The following GHR variants were observed in gnomAD, a reference collection of about 807,000 sequenced individuals.
GHR encodes the protein growth hormone receptor, also known as GH receptor.
Under a neutral mutation model 67.1 loss-of-function variants are expected in GHR, and 35 were observed. The observed-to-expected ratio is 0.52, with a 90% CI of 0.40 to 0.69. The LOEUF (loss-of-function observed/expected upper bound fraction) is 0.69. GHR is among the 30% of genes least tolerant of loss of function. The pLI is 0.00. For synonymous variants in GHR, 272 were observed against 269.1 expected (o/e 1.01, Z -0.10); for missense variants, 792 against 764.6 (o/e 1.04, Z -0.42).
intron 4 of GHR, among the ~76,000 whole-genome samples, chr5:42,694,423 G>T (rs1276261200): frequency 6.6e-6 from 1 of 152,078 alleles, no homozygotes; most frequent in African/African-American, 2.4e-5. Context: ...GCACAGCGTT[G>T]GTGCTGGATA....
intron 2 of GHR, among the ~76,000 whole-genome samples, chr5:42,626,873 G>A (rs755590510): frequency 3.3e-5 from 5 of 152,166 alleles, no homozygotes; most frequent in Non-Finnish European, 5.9e-5. Context: ...TAGAGGTAAC[G>A]TGATCAGATG....
chr5:42,706,671 C>T (rs1758191396), intron 6 of GHR, among the ~76,000 whole-genome samples: 1 of 151,976 alleles, frequency 6.6e-6, no homozygotes, highest in Non-Finnish European at 1.5e-5. Context: ...TTTTTGTCAA[C>T]TTTGTCAAAT....
rs930542118 is a variant in GHR, at chr5:42,423,565, T to C, written c.-402T>C. The stretch of plus-strand genomic sequence containing the variant: ...GTTCTCGAACTGGCCTCCTTGAACG[T>C]CCGCTTCGCCTTCGCTTCTGCAACC... On this transcript the variant is annotated 5_prime_UTR_variant, in exon 1 of 10. Transcript: ENST00000230882. 2.6e-5 allele frequency among the ~76,000 whole-genome samples: 4 copies of C among 151,978 alleles called. No homozygotes were observed. Among genetic ancestry groups the C allele is most frequent in the African/African-American group, 7.3e-5 (3 of 41,376 alleles).
intron 2 of GHR, among the ~76,000 whole-genome samples, chr5:42,590,684 T>C (rs996945573): frequency 2.6e-5 from 4 of 152,332 alleles, no homozygotes; most frequent in Middle Eastern, 6.8e-3. Context: ...AATGTGACTG[T>C]AGAGCAGCCT....
chr5:42,480,980 C>A (rs1343137688), intron 1 of GHR, among the ~76,000 whole-genome samples: 4 of 152,090 alleles, frequency 2.6e-5, no homozygotes, highest in Non-Finnish European at 5.9e-5. Flanking sequence ...TTCTTCCTAG[C>A]CTTGATGGTC....
chr5:42,484,271 CAT>C (rs767601964), intron 1 of GHR, among the ~76,000 whole-genome samples: 3 of 152,148 alleles, frequency 2.0e-5, no homozygotes, highest in Non-Finnish European at 4.4e-5. Flanking sequence ...TTTCAAGACT[CAT>C]GTGTGTGGTG....
At position 42,496,214 on chromosome 5, in the gene GHR, G is replaced by C. The variant is rs181895141; in HGVS notation, c.-11-69650G>C. Among the ~76,000 whole-genome samples the C allele has an allele frequency of 9.4e-4, 143 of 152,260 alleles. 5 individuals are homozygous for C. Among genetic ancestry groups the C allele is most frequent in the Admixed American group, 9.1e-3 (139 of 15,282 alleles). On this transcript the variant is annotated intron_variant, in intron 1 of 9. Coordinates refer to ENST00000230882, the MANE Select transcript of GHR (RefSeq NM_000163.5). Reference sequence around the variant, plus strand: ...TGGAAGCAACAGCATAAGCACAATAGTACTTAGGCATTCAAAGCAGAGAGA... The same window carrying C: ...TGGAAGCAACAGCATAAGCACAATACTACTTAGGCATTCAAAGCAGAGAGA...
chr5:42,584,471 A>G (rs1240866159), intron 2 of GHR, among the ~76,000 whole-genome samples: 3 of 152,174 alleles, frequency 2.0e-5, no homozygotes, highest in Non-Finnish European at 4.4e-5. Flanking sequence ...GAAACTAAAT[A>G]GTTATCTATG....
intron 3 of GHR, among the ~76,000 whole-genome samples, chr5:42,685,375 G>T (rs746944589): frequency 2.2e-4 from 33 of 152,148 alleles, no homozygotes; most frequent in Non-Finnish European, 4.0e-4. Context: ...CCAAGTCCTT[G>T]CTATTGTGAA....
chr5:42,579,621 C>T (rs1258107566), intron 2 of GHR, among the ~76,000 whole-genome samples: 1 of 152,196 alleles, frequency 6.6e-6, no homozygotes, highest in Non-Finnish European at 1.5e-5. Context: ...TATTTGAGTG[C>T]TTCTAACAAA....
At chr5:42,498,838 T>C (rs1746423833) in intron 1 of GHR, among the ~76,000 whole-genome samples, 1 of 152,160 alleles carries the variant, frequency 6.6e-6, no homozygotes, top group Non-Finnish European at 1.5e-5. Context: ...GCTCTATAGG[T>C]ACAGAGCAGG....
chr5:42,448,506 G>C (rs912996410), intron 1 of GHR, among the ~76,000 whole-genome samples: 11 of 151,418 alleles, frequency 7.3e-5, no homozygotes, highest in Admixed American at 5.3e-4. Context: ...GCCGATTCTG[G>C]ATATTAGTAC....
At chr5:42,434,677 G>A (rs1271844631) in intron 1 of GHR, among the ~76,000 whole-genome samples, 1 of 152,160 alleles carries the variant, frequency 6.6e-6, no homozygotes, top group Non-Finnish European at 1.5e-5. Flanking sequence ...GTTTATCTCT[G>A]CCATTTTTAT....
At chr5:42,537,198 G>A (rs77735256) in intron 1 of GHR, among the ~76,000 whole-genome samples, 2,586 of 151,002 alleles carry the variant, frequency 0.017, 151 homozygotes, top group East Asian at 0.12. Flanking sequence ...TCTTCTCCTC[G>A]GTTTGGGTTT....
At chr5:42,469,368 A>C (rs1238330801) in intron 1 of GHR, among the ~76,000 whole-genome samples, 3 of 152,214 alleles carry the variant, frequency 2.0e-5, no homozygotes, top group African/African-American at 7.2e-5. Flanking sequence ...ATAATTATTC[A>C]CAATTATAGA....
chr5:42,504,489 C>T (rs550168222), intron 1 of GHR, among the ~76,000 whole-genome samples: 5 of 152,098 alleles, frequency 3.3e-5, no homozygotes, highest in African/African-American at 1.2e-4. Flanking sequence ...GGCCAGGCAC[C>T]GTGGCTCACG....
chr5:42,602,478 T>A (rs1752426905), intron 2 of GHR, among the ~76,000 whole-genome samples: 1 of 152,208 alleles, frequency 6.6e-6, no homozygotes. Flanking sequence ...CCATTCTGTA[T>A]CTTTTTTATT....
At chr5:42,574,600 C>T (rs1375444624) in intron 2 of GHR, among the ~76,000 whole-genome samples, 1 of 152,154 alleles carries the variant, frequency 6.6e-6, no homozygotes, top group Non-Finnish European at 1.5e-5. Flanking sequence ...AGTATAAGTG[C>T]TCCCCAGTAT....
chr5:42,520,457 C>T (rs941924953), intron 1 of GHR, among the ~76,000 whole-genome samples: 1 of 152,184 alleles, frequency 6.6e-6, no homozygotes, highest in African/African-American at 2.4e-5. Flanking sequence ...ACATCCTTCA[C>T]TCCTTAACCC....
Sources: allele counts gnomAD v4.1 joint callset (sites outside exome capture counted in the v4.1 genomes callset), GRCh38; gene constraint gnomAD v4.1.1; transcripts MANE v1.5; gene names NCBI Gene and HGNC (gene_info 2026-07-23, HGNC 2026-07-21).